The following ADAM10 variants were observed in gnomAD, a reference collection of about 807,000 sequenced individuals.
The protein encoded by ADAM10 is ADAM metallopeptidase domain 10, also known as disintegrin and metalloproteinase domain-containing protein 10.
A neutral mutation model predicts 90.1 loss-of-function variants in ADAM10; 17 were observed. The observed-to-expected ratio is 0.19, with a 90% CI of 0.13 to 0.28. ADAM10 has a LOEUF of 0.28. ADAM10 is among the 10% of genes least tolerant of loss of function. The probability of loss-of-function intolerance (pLI) is 1.00; values close to 1 mark genes in which losing one functional copy is unlikely to be tolerated. For synonymous variants in ADAM10, 310 were observed against 298.6 expected (o/e 1.04, Z -0.40); for missense variants, 610 against 914.3 (o/e 0.67, Z 4.29).
intron 5 of ADAM10, among the ~76,000 whole-genome samples, chr15:58,661,854 T>C (rs2140724316): frequency 6.6e-6 from 1 of 152,334 alleles, no homozygotes; most frequent in Non-Finnish European, 1.5e-5. Context: ...GTAATTAATT[T>C]TCTTTTAAGC....
intron 7 of ADAM10, among the ~76,000 whole-genome samples, chr15:58,642,952 G>C (rs1309930533): frequency 6.6e-6 from 1 of 152,130 alleles, no homozygotes; most frequent in African/African-American, 2.4e-5. Flanking sequence ...CTATGTGGCT[G>C]AATGTATATA....
rs1894788420 is a variant in ADAM10 at position 58,589,818 on chromosome 15, A to T, written c.*7729T>A. 6.6e-6 allele frequency: 1 copy of T among 152,184 alleles called. No individual in the cohort carries two copies. Among genetic ancestry groups the T allele is most frequent in the Non-Finnish European group, 1.5e-5 (1 of 68,054 alleles). The allele number at this position is 152,184 out of a possible 1,614,324, so 9.4% of individuals were successfully genotyped here. On this transcript the variant is annotated 3_prime_UTR_variant, in exon 16 of 16. Coordinates refer to ENST00000260408, the MANE Select transcript of ADAM10 (RefSeq NM_001110.4). Reference sequence around the variant, plus strand: ...TAATCCTAAATTTATGATAGTCATGATACAGACGCCCAGGTCTGAAAAGCG... The same window carrying T: ...TAATCCTAAATTTATGATAGTCATGTTACAGACGCCCAGGTCTGAAAAGCG...
intron 10 of ADAM10, among the ~76,000 whole-genome samples, chr15:58,622,556 T>C (rs1895818673): frequency 6.6e-6 from 1 of 152,340 alleles, no homozygotes; most frequent in African/African-American, 2.4e-5. Context: ...GTAGGTAATT[T>C]TTTTTATGTA....
At chr15:58,704,081 C>G (rs1417601169) in intron 2 of ADAM10, 5 of 152,298 alleles carry the variant, frequency 3.3e-5, no homozygotes, top group African/African-American at 9.6e-5. Context: ...ACCCATCTAG[C>G]CAGCCAGATC....
chr15:58,635,691 C>T (rs957610202), intron 8 of ADAM10, among the ~76,000 whole-genome samples: 1 of 151,694 alleles, frequency 6.6e-6, no homozygotes, highest in South Asian at 2.1e-4. Context: ...AAATTAATAT[C>T]CTGCCTTAGT....
intron 2 of ADAM10, chr15:58,691,515 T>C (rs776383848): frequency 8.7e-6 from 5 of 572,390 alleles, no homozygotes; most frequent in South Asian, 5.8e-5. Context: ...ATCTCCAGAC[T>C]GGAAGGTGTG....
chr15:58,743,162 T>A (rs747430725), intron 1 of ADAM10, among the ~76,000 whole-genome samples: 1 of 152,078 alleles, frequency 6.6e-6, no homozygotes, highest in East Asian at 1.9e-4. Flanking sequence ...TTCCTACAAT[T>A]TGGAAGGCCT....
At chr15:58,744,122 CCTGT>C (rs1356690988) in intron 1 of ADAM10, among the ~76,000 whole-genome samples, 2 of 152,056 alleles carry the variant, frequency 1.3e-5, no homozygotes, top group Admixed American at 6.6e-5. Flanking sequence ...TCCATTCTTC[CCTGT>C]CTAACTGTAA....
At chr15:58,608,415 T>C (rs909940138) in intron 14 of ADAM10, among the ~76,000 whole-genome samples, 3 of 152,156 alleles carry the variant, frequency 2.0e-5, no homozygotes, top group Non-Finnish European at 4.4e-5. Flanking sequence ...CATAAGCAAA[T>C]GAGACAAGTA....
chr15:58,700,547 G>A (rs550217329), intron 2 of ADAM10, among the ~76,000 whole-genome samples: 59 of 152,002 alleles, frequency 3.9e-4, no homozygotes, highest in African/African-American at 1.3e-3. Context: ...TTTGAAACAC[G>A]ACATACCAAA....
intron 14 of ADAM10, among the ~76,000 whole-genome samples, chr15:58,606,129 G>A (rs1895267484): frequency 6.6e-6 from 1 of 152,136 alleles, no homozygotes; most frequent in South Asian, 2.1e-4. Flanking sequence ...GACTTCCCAT[G>A]GGTCACAAGA....
intron 5 of ADAM10, among the ~76,000 whole-genome samples, chr15:58,663,742 T>C (rs1158460296): frequency 1.3e-5 from 2 of 152,126 alleles, no homozygotes; most frequent in African/African-American, 4.8e-5. Flanking sequence ...TATAAAGTTT[T>C]GATTTTCCTT....
At chr15:58,738,016 T>C (rs114440933) in intron 1 of ADAM10, among the ~76,000 whole-genome samples, 3 of 152,190 alleles carry the variant, frequency 2.0e-5, no homozygotes, top group African/African-American at 7.2e-5. Flanking sequence ...GTTTTGATAT[T>C]ACAGATCTTC....
intron 1 of ADAM10, among the ~76,000 whole-genome samples, chr15:58,722,605 G>C (rs1296279681): frequency 1.3e-5 from 2 of 151,560 alleles, no homozygotes; most frequent in South Asian, 2.1e-4. Context: ...ATGCTCATGA[G>C]TGTCAGTTCC....
chr15:58,729,916 C>T (rs1185900835), intron 1 of ADAM10, among the ~76,000 whole-genome samples: 1 of 149,748 alleles, frequency 6.7e-6, no homozygotes, highest in African/African-American at 2.5e-5. Flanking sequence ...GAGCCAAGAC[C>T]GTGCCACTGT....
chr15:58,736,572 A>G (rs1180564054), intron 1 of ADAM10, among the ~76,000 whole-genome samples: 2 of 152,208 alleles, frequency 1.3e-5, no homozygotes, highest in African/African-American at 4.8e-5. Context: ...TGAAGTATTT[A>G]GAGTACAACT....
chr15:58,632,931 G>A (rs1226773118), intron 9 of ADAM10, among the ~76,000 whole-genome samples: 1 of 152,158 alleles, frequency 6.6e-6, no homozygotes, highest in East Asian at 1.9e-4. Flanking sequence ...CTAGGGCCAG[G>A]AGATATAGAT....
intron 11 of ADAM10, among the ~76,000 whole-genome samples, chr15:58,620,660 A>ATTTTT (rs570842513): frequency 6.7e-5 from 4 of 59,416 alleles, no homozygotes; most frequent in Non-Finnish European, 9.4e-5. Context: ...AAGAATATGT[A>ATTTTT]TTTTTTTTTT....
chr15:58,633,936 G>A (rs1222488879), intron 8 of ADAM10, among the ~76,000 whole-genome samples: 2 of 150,930 alleles, frequency 1.3e-5, no homozygotes, highest in Non-Finnish European at 3.0e-5. Context: ...GAGGAAAGAA[G>A]GAAAAAGAGA....
Sources: allele counts gnomAD v4.1 joint callset (sites outside exome capture counted in the v4.1 genomes callset), GRCh38; gene constraint gnomAD v4.1.1; transcripts MANE v1.5; gene names NCBI Gene and HGNC (gene_info 2026-07-23, HGNC 2026-07-21).